Variants in SLC13A4 observed in about 807,000 individuals in gnomAD.
SLC13A4 encodes the protein solute carrier family 13 member 4, also known as Na(+)/sulfate cotransporter SUT-1.
A neutral mutation model predicts 72.7 loss-of-function variants in SLC13A4; 28 were observed. The observed-to-expected ratio is 0.39, with a 90% CI of 0.29 to 0.53. The LOEUF (loss-of-function observed/expected upper bound fraction) is 0.53. Ranked by LOEUF, SLC13A4 falls within the 20% of genes least tolerant of loss-of-function variation. The probability of loss-of-function intolerance (pLI) is 0.78; values close to 1 mark genes in which losing one functional copy is unlikely to be tolerated. For missense variants in SLC13A4, 653 were observed against 788.0 expected, an observed-to-expected ratio of 0.83 and a Z score of 2.05; for synonymous variants, 312 against 325.5, an observed-to-expected ratio of 0.96 and a Z score of 0.45.
Position 135,701,607 on chromosome 7 carries a change from A to G in SLC13A4, c.714+73T>C, listed in dbSNP as rs114197674. On this transcript the variant is annotated intron_variant, in intron 7 of 15. Coordinates refer to ENST00000682651, the MANE Select transcript of SLC13A4 (RefSeq NM_001318192.2). ...CTAGCCTGATTCCCTTACGACTTCA[A>G]GACCAGTGCCCTTGGGAAGCAGTTC... 1.6e-3 allele frequency: 2,286 copies of G among 1,463,580 alleles called. 38 individuals carry two copies. The African/African-American group carries it at 0.028, about 18-fold the overall frequency. 90.7% of individuals were successfully genotyped at this position (1,463,580 alleles called of 1,614,324 possible).
chr7:135,699,489 C>G lies in SLC13A4; in HGVS notation c.774G>C (p.Arg258Ser). The G allele has an allele frequency of 6.2e-7, 1 of 1,612,332 alleles. No individual in the cohort carries two copies. The change falls in exon 8 of 16, where the codon AGG (arginine) becomes AGC (serine). Residue 258 changes from arginine to serine, a missense_variant. Physicochemically the swap from Arg to Ser is moderately radical, Grantham distance 110. Transcript: ENST00000682651. ...PRKQKLNRKY[R>S]SHHDQMICKC... ...TGCAGATCATCTGGTCATGGTGGGA[C>G]CTGTACTTTCTGTTCAGCTTCTGCT...
At chr7:135,712,385 A>T (rs900366587) in intron 2 of SLC13A4, among the ~76,000 whole-genome samples, 24 of 147,156 alleles carry the variant, frequency 1.6e-4, no homozygotes, top group African/African-American at 5.6e-4. Flanking sequence ...AAGAGGGAGG[A>T]CTCTGGAGTC....
At position 135,691,532 on chromosome 7, in the gene SLC13A4, TC is replaced by T; in HGVS notation, c.1321+15del. 6.3e-7 allele frequency: 1 copy of T among 1,596,894 alleles called. No homozygotes were observed. Among genetic ancestry groups the T allele is most frequent in the Non-Finnish European group, 8.6e-7 (1 of 1,164,464 alleles). Reference sequence around the variant, plus strand: ...TCTTCAACTAGAGCTACCCCCAGTTTCTTCCCTTCTCTCACCATCATTCTTT... The same window carrying T: ...TCTTCAACTAGAGCTACCCCCAGTTTTTCCCTTCTCTCACCATCATTCTTT... On this transcript the variant is annotated intron_variant, in intron 12 of 15. Coordinates refer to ENST00000682651, the MANE Select transcript of SLC13A4 (RefSeq NM_001318192.2).
chr7:135,683,843 A>C, intron 15 of SLC13A4: 4 of 941,762 alleles, frequency 4.2e-6, no homozygotes, highest in Non-Finnish European at 5.1e-6. Context: ...GCACAGGCTC[A>C]TGCCTTCTGG....
intron 1 of SLC13A4, 46 bp downstream of exon 1, chr7:135,727,352 C>T: frequency 6.5e-7 from 1 of 1,539,638 alleles, no homozygotes; most frequent in Non-Finnish European, 8.8e-7. Flanking sequence ...CCTCTTTGCC[C>T]TCCCACTGAC....
intron 8 of SLC13A4, among the ~76,000 whole-genome samples, chr7:135,696,461 G>T (rs1015091347): frequency 1.1e-4 from 16 of 152,058 alleles, no homozygotes; most frequent in Admixed American, 3.3e-4. Context: ...CAATTCTGCT[G>T]CCTCAGCCTC....
intron 10 of SLC13A4, 119 bp downstream of exon 10, chr7:135,694,018 C>G (rs1164178852): frequency 1.4e-6 from 1 of 695,388 alleles, no homozygotes; most frequent in East Asian, 2.5e-5. Context: ...AGGCCTGATT[C>G]AGAGTTGTGG....
In SLC13A4 at chr7:135,705,633, T is replaced by C. The variant is rs1166922091; in HGVS notation, c.556A>G (p.Ser186Gly). 1.2e-6 allele frequency: 2 copies of C among 1,614,078 alleles called. No individual in the cohort carries two copies. The highest frequency in any genetic ancestry group is 1.7e-6 in the Non-Finnish European group (2 of 1,179,960). ...AEPISLDVKN[S>G]QPSLELIFVN... is the part of the protein sequence containing the mutation. ...AAGATGAGTTCCAGAGAAGGTTGGC[T>C]GTTCTTTACATCCAGACCTATGAGT... The change falls in exon 5 of 16, where the codon AGC becomes GGC. Residue 186 changes from serine (S) to glycine (G), a missense_variant. Physicochemically the swap from Ser to Gly is moderately conservative, Grantham distance 56. Transcript: ENST00000682651.
At chr7:135,718,088 C>CACACACACACACACACACACAT in intron 2 of SLC13A4, among the ~76,000 whole-genome samples, 1 of 149,666 alleles carries the variant, frequency 6.7e-6, no homozygotes, top group East Asian at 2.0e-4. Context: ...CACACACACA[C>CACACACACACACACACACACAT]GCGCGCGCGC....
At chr7:135,706,056 A>G in intron 4 of SLC13A4, 72 bp downstream of exon 4, 1 of 1,478,496 alleles carries the variant, frequency 6.8e-7, no homozygotes, top group Non-Finnish European at 9.2e-7. Context: ...CAGTCTCCCT[A>G]GAGGAGCCAG....
chr7:135,699,540 T>G lies in SLC13A4; in HGVS notation c.723A>C (p.Pro241=). 14 of 1,596,414 alleles carry G rather than the reference T, an allele frequency of 8.8e-6. No individual in the cohort carries two copies. Among genetic ancestry groups the G allele is most frequent in the Non-Finnish European group, 1.1e-5 (13 of 1,170,606 alleles). The change falls in exon 8 of 16, where the codon CCA becomes CCC. Residue 241 remains proline (P), a synonymous_variant. Coordinates refer to ENST00000682651, the MANE Select transcript of SLC13A4 (RefSeq NM_001318192.2). ...TCCTGGGGCTGGGGGTCAGGACTTG[T>G]GGCTTTTCCTAACGAAGGAAAATCA... ...GKKQHPSQEK[P]QVLTPSPRKQ...
chr7:135,683,844 T>C, intron 15 of SLC13A4: 1 of 939,704 alleles, frequency 1.1e-6, no homozygotes, highest in Non-Finnish European at 1.3e-6. Context: ...CACAGGCTCA[T>C]GCCTTCTGGA....
rs966066142 is a variant in SLC13A4 at position 135,684,733 on chromosome 7, A to G, written c.1609-472T>C. Among the ~76,000 whole-genome samples, 63 of 150,106 alleles carry G rather than the reference A, an allele frequency of 4.2e-4. 1 individual carries two copies. Among genetic ancestry groups the G allele is most frequent in the African/African-American group, 1.5e-3 (59 of 40,646 alleles). On this transcript the variant is annotated intron_variant, in intron 14 of 15. Transcript: ENST00000682651. ...CCTGCTCTCAATGTTGCCAAGTTTT[A>G]ACTGCACTCTGTTGCTCGCAGGAGC...
At chr7:135,718,661 A>G (rs1796481165) in intron 2 of SLC13A4, among the ~76,000 whole-genome samples, 1 of 152,224 alleles carries the variant, frequency 6.6e-6, no homozygotes, top group Admixed American at 6.5e-5. Context: ...CAAAGAGAGT[A>G]ATTGAGTAGG....
At chr7:135,695,550 T>C in intron 8 of SLC13A4, 63 bp from the exon 9 acceptor site, 5 of 1,556,466 alleles carry the variant, frequency 3.2e-6, no homozygotes, top group Non-Finnish European at 4.4e-6. Flanking sequence ...TATTTTGGGG[T>C]AGTATGCCAA....
chr7:135,684,383 G>T, intron 14 of SLC13A4, 122 bp from the exon 15 acceptor site: 1 of 1,144,696 alleles, frequency 8.7e-7, no homozygotes, highest in Non-Finnish European at 1.2e-6. Context: ...ACTATGTGGA[G>T]GGGTAGTTAG....
At chr7:135,689,596 C>G (rs1236855309) in intron 13 of SLC13A4, among the ~76,000 whole-genome samples, 2 of 152,080 alleles carry the variant, frequency 1.3e-5, no homozygotes, top group Admixed American at 6.5e-5. Flanking sequence ...GTCACTACTA[C>G]TTGATTTTTT....
intron 6 of SLC13A4, 93 bp from the exon 7 acceptor site, chr7:135,701,853 A>G: frequency 8.1e-7 from 1 of 1,242,182 alleles, no homozygotes; most frequent in Non-Finnish European, 1.2e-6. Flanking sequence ...GGGCCACCCC[A>G]TGCCTCAGCA....
chr7:135,719,681 T>C (rs948670624), intron 2 of SLC13A4, among the ~76,000 whole-genome samples: 1 of 152,060 alleles, frequency 6.6e-6, no homozygotes, highest in Admixed American at 6.6e-5. Context: ...GTCCCCACGA[T>C]ATTGGGGTTG....
Sources: allele counts gnomAD v4.1 joint callset (sites outside exome capture counted in the v4.1 genomes callset), GRCh38; gene constraint gnomAD v4.1.1; transcripts MANE v1.5; gene names NCBI Gene and HGNC (gene_info 2026-07-23, HGNC 2026-07-21).